The following POLR1C variants were observed in gnomAD, a reference collection of about 807,000 sequenced individuals.
POLR1C encodes DNA-directed RNA polymerases I and III subunit RPAC1.
In POLR1C, 42 loss-of-function variants were observed where a neutral mutation model predicts 38.3. The observed-to-expected ratio is 1.10, with a 90% confidence interval of 0.86 to 1.42. POLR1C has a LOEUF of 1.42. POLR1C is among the 40% of genes most tolerant of loss of function. POLR1C has a pLI of 0.00. For synonymous variants in POLR1C, 163 were observed against 163.9 expected (o/e 0.99, Z 0.04); for missense variants, 507 against 450.5 (o/e 1.13, Z -1.14).
chr6:43,553,246 G>C (rs1015201177), intron 10 of POLR1C: 1 of 1,225,578 alleles, frequency 8.2e-7, no homozygotes, highest in Non-Finnish European at 1.1e-6. Flanking sequence ...AGGTTACAGA[G>C]AGCTATGATT....
rs765053080 is a variant in POLR1C, at chr6:43,517,425, T to C, written c.141+48T>C. On this transcript the variant is annotated intron_variant, in intron 2 of 8. Coordinates refer to ENST00000642195, the MANE Select transcript of POLR1C (RefSeq NM_203290.4). Reference sequence around the variant, plus strand: ...GGGGAGGGTTATGAAGGCCAGACCTTGTGGTCTGAGCAGCCTGTGTCTGTC... The same window carrying C: ...GGGGAGGGTTATGAAGGCCAGACCTCGTGGTCTGAGCAGCCTGTGTCTGTC... The C allele has an allele frequency of 5.3e-6, 8 of 1,503,320 alleles. No individual in the cohort carries two copies. In the African/African-American group the frequency reaches 6.9e-5, roughly 13 times the overall value. The allele number at this position is 1,503,320 out of a possible 1,614,324, so 93.1% of individuals were successfully genotyped here.
intron 8 of POLR1C, chr6:43,528,827 C>G: frequency 6.2e-7 from 1 of 1,613,432 alleles, no homozygotes; most frequent in Non-Finnish European, 8.5e-7. Context: ...TTATCTCTTA[C>G]CATATGGAGG....
intron 9 of POLR1C, among the ~76,000 whole-genome samples, chr6:43,535,797 G>A (rs113185283): frequency 0.034 from 4,596 of 135,346 alleles, 233 homozygotes; most frequent in African/African-American, 0.12. Flanking sequence ...CTGTGTGACA[G>A]AGCGAGACTC....
rs1486300281 is a variant in POLR1C at position 43,548,905 on chromosome 6, GTAA to G, written c.*5-2061_*5-2059del. Among the ~76,000 whole-genome samples, 5 of 152,200 alleles carry G rather than the reference GTAA, an allele frequency of 3.3e-5. No individual in the cohort carries two copies. In the East Asian group the frequency reaches 7.7e-4, roughly 23 times the overall value. On this transcript the variant is annotated intron_variant, in intron 9 of 10. Transcript: ENST00000607635. ...AGATCAGGCACATCATTTGGCAGTA[GTAA>G]TTAAGATCATCACATAGTAAAGAGT...
intron 2 of POLR1C, 113 bp downstream of exon 2, chr6:43,517,490 G>C (rs1011006203): frequency 1.1e-6 from 1 of 880,582 alleles, no homozygotes; most frequent in Non-Finnish European, 1.9e-6. Context: ...TTGTAAGTTT[G>C]TTGAGCAATG....
intron 7 of POLR1C, 79 bp downstream of exon 7, chr6:43,520,853 C>A (rs200549821): frequency 1.3e-5 from 20 of 1,597,116 alleles, no homozygotes; most frequent in Admixed American, 1.0e-4. Context: ...AAACCCTGGG[C>A]TCCTAAAAGT....
intron 8 of POLR1C, chr6:43,527,467 T>C: frequency 1.6e-6 from 1 of 623,198 alleles, no homozygotes; most frequent in Non-Finnish European, 2.8e-6. Flanking sequence ...AGAGACAGGG[T>C]TTCACCATGT....
intron 9 of POLR1C, among the ~76,000 whole-genome samples, chr6:43,541,631 T>C (rs1245691002): frequency 7.3e-6 from 1 of 136,838 alleles, no homozygotes; most frequent in Non-Finnish European, 1.5e-5. Flanking sequence ...ATGTACTTTC[T>C]GTCTCTAGAT....
In POLR1C at chr6:43,521,359, ACTG is replaced by A; in HGVS notation, c.*63_*65del. ...GGTTCTGACTGACCCACCCTACAGG[ACTG>A]CTGAACAGAGAGCCCAGTGTGACTA... On this transcript the variant is annotated 3_prime_UTR_variant, in exon 9 of 9. Transcript: ENST00000642195. 1 of 1,610,694 alleles carries A rather than the reference ACTG, an allele frequency of 6.2e-7. No homozygotes were observed. The highest frequency in any genetic ancestry group is 8.5e-7 in the Non-Finnish European group (1 of 1,179,620).
At chr6:43,520,546 T>A (rs1582182813) in intron 6 of POLR1C, 79 bp from the exon 7 acceptor site, 12 of 1,603,836 alleles carry the variant, frequency 7.5e-6, no homozygotes, top group Non-Finnish European at 1.0e-5. Context: ...GTTGTGCTTT[T>A]GCTGTTAGTA....
intron 2 of POLR1C, among the ~76,000 whole-genome samples, chr6:43,518,217 G>A (rs933869577): frequency 2.6e-5 from 4 of 152,208 alleles, no homozygotes; most frequent in African/African-American, 9.7e-5. Flanking sequence ...GGATCATATG[G>A]AGCAGGCAGA....
intron 10 of POLR1C, chr6:43,558,726 C>T (rs1762247019): frequency 1.6e-6 from 1 of 623,842 alleles, no homozygotes. Flanking sequence ...GGTAAATATC[C>T]ACTTCAGTTC....
chr6:43,534,138 G>C (rs1180007248), downstream of POLR1C: 4 of 586,648 alleles, frequency 6.8e-6, no homozygotes, highest in Non-Finnish European at 1.2e-5. Flanking sequence ...GGAAAGAAAA[G>C]AAGGTATAAA....
At chr6:43,547,510 C>T in intron 9 of POLR1C, 1 of 1,084,500 alleles carries the variant, frequency 9.2e-7, no homozygotes, top group Non-Finnish European at 1.4e-6. Context: ...CGTTTCTCAC[C>T]AGTATAGAAA....
chr6:43,555,696 C>A, intron 10 of POLR1C: 1 of 1,026,376 alleles, frequency 9.7e-7, no homozygotes, highest in Non-Finnish European at 1.3e-6. Context: ...GAAAACGCTC[C>A]CTCTCCAGGA....
At chr6:43,525,297 G>T (rs1793500684), downstream of POLR1C, 19 of 1,076,060 alleles carry the variant, frequency 1.8e-5, no homozygotes, top group Admixed American at 1.2e-4. Flanking sequence ...GAGCCGGAGG[G>T]TTTTTTTTTT....
At chr6:43,541,616 C>T (rs532434501) in intron 9 of POLR1C, among the ~76,000 whole-genome samples, 15 of 147,476 alleles carry the variant, frequency 1.0e-4, no homozygotes, top group African/African-American at 3.8e-4. Context: ...CTGAGGCAAT[C>T]GCCAATGTAC....
chr6:43,544,212 TAGAC>T (rs956894473), intron 9 of POLR1C: 1 of 165,846 alleles, frequency 6.0e-6, no homozygotes, highest in Non-Finnish European at 1.3e-5. Flanking sequence ...AATGAAAGGA[TAGAC>T]AGAACAGGTC....
chr6:43,524,461 C>T, downstream of POLR1C: 1 of 1,612,242 alleles, frequency 6.2e-7, no homozygotes, highest in Non-Finnish European at 8.5e-7. Context: ...ATTGAAGGTG[C>T]ATGACCTACC....
Sources: gnomAD v4.1 joint callset for allele counts (sites outside exome capture counted in the v4.1 genomes callset) on GRCh38, gnomAD v4.1.1 for gene constraint, MANE v1.5 for transcripts, NCBI Gene and HGNC (gene_info 2026-07-23, HGNC 2026-07-21) for gene names.